Variants in IKZF3 observed in about 807,000 individuals in gnomAD.
IKZF3 encodes the protein IKAROS family zinc finger 3.
A neutral mutation model predicts 49.0 loss-of-function variants in IKZF3; 10 were observed. That is an observed-to-expected ratio of 0.20 (90% CI 0.13 to 0.35). The LOEUF (loss-of-function observed/expected upper bound fraction) is 0.35. Among genes scored for constraint, IKZF3 ranks in the 10% least tolerant of loss-of-function variants. The pLI is 1.00. For synonymous variants in IKZF3, 209 were observed against 228.2 expected (o/e 0.92, Z 0.76); for missense variants, 498 against 664.8 (o/e 0.75, Z 2.76).
chr17:39,761,260 A>G lies in IKZF3; in HGVS notation c.*4530T>C, dbSNP rs1405927239. On this transcript the variant is annotated 3_prime_UTR_variant, in exon 8 of 8. Transcript: ENST00000346872. The stretch of plus-strand genomic sequence containing the variant: ...TAGCTGGCTTATCTGTGCCAAGGCG[A>G]ATGTCTTTTTGGGAGAATAACTTGA... The G allele has an allele frequency of 6.6e-6, 1 of 152,188 alleles. No homozygotes were observed. The highest frequency in any genetic ancestry group is 1.5e-5 in the Non-Finnish European group (1 of 68,026). 9.4% of individuals were successfully genotyped at this position (152,188 alleles called of 1,614,324 possible). A position where few individuals can be genotyped will look rare whatever the true frequency, so the allele number is the denominator to read the frequency against.
At chr17:39,823,493 G>A (rs1246595431) in intron 3 of IKZF3, among the ~76,000 whole-genome samples, 1 of 152,198 alleles carries the variant, frequency 6.6e-6, no homozygotes, top group African/African-American at 2.4e-5. Context: ...GGTGCCTAAT[G>A]TTAATTACAA....
At chr17:39,775,628 T>C (rs1328719065) in intron 7 of IKZF3, among the ~76,000 whole-genome samples, 2 of 152,108 alleles carry the variant, frequency 1.3e-5, no homozygotes, top group East Asian at 3.9e-4. Flanking sequence ...CACAACTGGA[T>C]TGAAATTAAG....
rs186585336 is a variant in IKZF3, at chr17:39,777,714, C to T, written c.763G>A (p.Val255Ile). ...KAEMGSERAL[V>I]LDRLASNVAK... ...ACATTGCTTGCTAATCTGTCCAGTACGAGAGCTCTTTCACTTCCCATCTCT... is the reference window on the plus strand; with the variant it reads ...ACATTGCTTGCTAATCTGTCCAGTATGAGAGCTCTTTCACTTCCCATCTCT... The change falls in exon 7 of 8, where the codon GTA becomes ATA. Residue 255 changes from valine (V) to isoleucine (I), a missense_variant. Val to Ile is a conservative substitution (Grantham distance 29, BLOSUM62 3). Coordinates refer to ENST00000346872, the MANE Select transcript of IKZF3 (RefSeq NM_012481.5). The T allele has an allele frequency of 6.6e-5, 107 of 1,613,956 alleles. No individual in the cohort carries two copies. In the African/African-American group the frequency reaches 1.3e-3, roughly 19 times the overall value.
chr17:39,812,523 T>C (rs2061583896), intron 3 of IKZF3, among the ~76,000 whole-genome samples: 1 of 152,180 alleles, frequency 6.6e-6, no homozygotes, highest in South Asian at 2.1e-4. Context: ...TCAGCCAGCA[T>C]ACAAAATTGT....
chr17:39,808,803 A>G (rs1167075458), intron 3 of IKZF3, among the ~76,000 whole-genome samples: 1 of 152,254 alleles, frequency 6.6e-6, no homozygotes, highest in Non-Finnish European at 1.5e-5. Flanking sequence ...TAAGTAAGGA[A>G]TAGGTCATAT....
At chr17:39,827,606 C>T (rs921082807) in intron 3 of IKZF3, among the ~76,000 whole-genome samples, 12 of 152,176 alleles carry the variant, frequency 7.9e-5, no homozygotes, top group Non-Finnish European at 1.5e-4. Context: ...CTGCACCCAA[C>T]CTATAAATTG....
intron 1 of IKZF3, among the ~76,000 whole-genome samples, chr17:39,863,558 T>G (rs1459946747): frequency 3.3e-5 from 5 of 152,204 alleles, no homozygotes; most frequent in Admixed American, 3.3e-4. Flanking sequence ...GAAGCAAGGA[T>G]AGTGTTACGA....
intron 1 of IKZF3, among the ~76,000 whole-genome samples, chr17:39,852,772 C>T (rs1229936417): frequency 6.6e-6 from 1 of 152,068 alleles, no homozygotes; most frequent in African/African-American, 2.4e-5. Context: ...GAGTTCGAGA[C>T]CAGCCTGACC....
intron 3 of IKZF3, among the ~76,000 whole-genome samples, chr17:39,816,304 C>T (rs2061677449): frequency 1.3e-5 from 2 of 152,194 alleles, no homozygotes; most frequent in Non-Finnish European, 2.9e-5. Flanking sequence ...TATTAGAATC[C>T]TCACTGATGC....
intron 3 of IKZF3, among the ~76,000 whole-genome samples, chr17:39,794,954 T>G (rs1254952919): frequency 6.6e-6 from 1 of 152,140 alleles, no homozygotes; most frequent in East Asian, 1.9e-4. Context: ...TTCAGCTACT[T>G]AAAACCAAAA....
chr17:39,835,921 C>A, intron 1 of IKZF3: 2 of 654,386 alleles, frequency 3.1e-6, no homozygotes, highest in Non-Finnish European at 5.7e-6. Context: ...CCAAGATCTG[C>A]CTCCAGTTTC....
intron 6 of IKZF3, chr17:39,778,050 C>T (rs150149539): frequency 4.7e-6 from 5 of 1,064,464 alleles, no homozygotes; most frequent in East Asian, 6.8e-5. Flanking sequence ...ACAGCCTGGA[C>T]GTGGTTGGTT....
intron 3 of IKZF3, among the ~76,000 whole-genome samples, chr17:39,824,600 G>A (rs1483933481): frequency 3.9e-5 from 6 of 152,084 alleles, no homozygotes; most frequent in Non-Finnish European, 5.9e-5. Flanking sequence ...AGAAGGACCC[G>A]GTGGGATTGA....
At chr17:39,847,210 G>A (rs373196109) in intron 1 of IKZF3, among the ~76,000 whole-genome samples, 14 of 152,144 alleles carry the variant, frequency 9.2e-5, no homozygotes, top group South Asian at 4.1e-4. Context: ...CCAGTTCTCC[G>A]TATCACCATC....
intron 3 of IKZF3, among the ~76,000 whole-genome samples, chr17:39,814,859 C>G (rs1400612954): frequency 6.6e-6 from 1 of 152,174 alleles, no homozygotes; most frequent in South Asian, 2.1e-4. Flanking sequence ...TTTTGTCACC[C>G]AGTTTGTGGT....
chr17:39,798,459 G>A lies in IKZF3; in HGVS notation c.164-5526C>T, dbSNP rs1224035558. Among the ~76,000 whole-genome samples, 3 of 151,144 alleles carry A rather than the reference G, an allele frequency of 2.0e-5. No homozygotes were observed. The East Asian group carries it at 5.8e-4, about 29-fold the overall frequency. On this transcript the variant is annotated intron_variant, in intron 3 of 7. Coordinates refer to ENST00000346872, the MANE Select transcript of IKZF3 (RefSeq NM_012481.5). ...GTAGTCTTATTTCTACTGCCTAAAA[G>A]ATCTTTCCCCAATATGGCCACAGGT...
chr17:39,772,667 G>A (rs1435976851), intron 7 of IKZF3, among the ~76,000 whole-genome samples: 2 of 152,158 alleles, frequency 1.3e-5, no homozygotes, highest in Admixed American at 1.3e-4. Flanking sequence ...ACCACATTTG[G>A]TTGCTGCAGA....
chr17:39,829,817 C>A (rs568959363), intron 2 of IKZF3, among the ~76,000 whole-genome samples: 2 of 151,924 alleles, frequency 1.3e-5, no homozygotes, highest in Non-Finnish European at 2.9e-5. Context: ...TTGGGCATGG[C>A]GGTGCATGCC....
chr17:39,850,650 A>AGTATATATACTATATAGCATATTAGATAT (rs1337820962), intron 1 of IKZF3, among the ~76,000 whole-genome samples: 2 of 134,596 alleles, frequency 1.5e-5, no homozygotes, highest in African/African-American at 2.7e-5. Context: ...AATAACATAT[A>AGTATATATACTATATAGCATATTAGATAT]GTATATATAC....
Sources: gnomAD v4.1 joint callset for allele counts (sites outside exome capture counted in the v4.1 genomes callset) on GRCh38, gnomAD v4.1.1 for gene constraint, MANE v1.5 for transcripts, NCBI Gene and HGNC (gene_info 2026-07-23, HGNC 2026-07-21) for gene names.